The following RIN2 variants were observed in gnomAD, a reference collection of about 807,000 sequenced individuals.
RIN2 encodes Ras and Rab interactor 2.
Under a neutral mutation model 78.0 loss-of-function variants are expected in RIN2, and 36 were observed. That is an observed-to-expected ratio of 0.46 (90% confidence interval 0.35 to 0.61). RIN2 has a LOEUF of 0.61. Among genes scored for constraint, RIN2 ranks in the 20% least tolerant of loss-of-function variants. The pLI, the probability that RIN2 is intolerant of heterozygous loss-of-function variation, is 0.00. For synonymous variants in RIN2, 466 were observed against 466.8 expected (o/e 1.00, Z 0.02); for missense variants, 1,087 against 1,159.7 (o/e 0.94, Z 0.91).
intron 2 of RIN2, among the ~76,000 whole-genome samples, chr20:19,866,626 T>C (rs1157265999): frequency 6.6e-6 from 1 of 152,158 alleles, no homozygotes; most frequent in African/African-American, 2.4e-5. Context: ...GATATTTTAT[T>C]TTATTTTATT....
intron 4 of RIN2, 66 bp downstream of exon 4, chr20:19,935,265 G>C: frequency 7.1e-7 from 1 of 1,415,606 alleles, no homozygotes; most frequent in Non-Finnish European, 9.7e-7. Flanking sequence ...GCACTGCCAA[G>C]GGCTGACTTG....
At chr20:19,828,857 A>G (rs62200176) in intron 2 of RIN2, among the ~76,000 whole-genome samples, 3,242 of 152,034 alleles carry the variant, frequency 0.021, 49 homozygotes, top group South Asian at 0.064. Context: ...CTGTATGATC[A>G]TTGGGATGGT....
At chr20:19,901,739 G>A (rs543819171) in intron 3 of RIN2, among the ~76,000 whole-genome samples, 9 of 152,122 alleles carry the variant, frequency 5.9e-5, no homozygotes, top group African/African-American at 2.2e-4. Context: ...TAAACAGGTC[G>A]AGTGCGGTGG....
At chr20:19,910,906 G>A (rs1225028571) in intron 3 of RIN2, among the ~76,000 whole-genome samples, 1 of 151,986 alleles carries the variant, frequency 6.6e-6, no homozygotes, top group Non-Finnish European at 1.5e-5. Context: ...CAAACTTCCA[G>A]AATAGTTGCA....
chr20:19,858,260 A>G (rs1007023423), intron 2 of RIN2, among the ~76,000 whole-genome samples: 12 of 152,142 alleles, frequency 7.9e-5, no homozygotes, highest in Admixed American at 5.2e-4. Flanking sequence ...AGTGGGGAGA[A>G]TAGGAATCAG....
chr20:19,858,684 A>G (rs1041244340), intron 2 of RIN2, among the ~76,000 whole-genome samples: 5 of 152,212 alleles, frequency 3.3e-5, no homozygotes, highest in Non-Finnish European at 7.3e-5. Context: ...TGAAACCTCC[A>G]TTTGGAATAA....
intron 2 of RIN2, among the ~76,000 whole-genome samples, chr20:19,856,438 T>C (rs922050192): frequency 1.3e-5 from 2 of 149,620 alleles, no homozygotes; most frequent in African/African-American, 4.9e-5. Flanking sequence ...GAGGCTGAGG[T>C]GGGAGGATCG....
At chr20:19,856,280 A>G (rs2037163705) in intron 2 of RIN2, among the ~76,000 whole-genome samples, 1 of 152,176 alleles carries the variant, frequency 6.6e-6, no homozygotes. Flanking sequence ...TTATTTCAAT[A>G]AGATTAAAGT....
intron 2 of RIN2, among the ~76,000 whole-genome samples, chr20:19,835,010 GAA>G (rs2036368820): frequency 6.9e-6 from 1 of 145,104 alleles, no homozygotes; most frequent in East Asian, 2.0e-4. Flanking sequence ...GAGAGAGAAA[GAA>G]AAAGAGAGAG....
intron 2 of RIN2, among the ~76,000 whole-genome samples, chr20:19,865,354 G>T (rs757464100): frequency 3.2e-4 from 49 of 152,114 alleles, no homozygotes; most frequent in Non-Finnish European, 5.3e-4. Context: ...TGAAGAGCCA[G>T]AAAGATCAGC....
chr20:19,932,634 C>A (rs1323730725), intron 3 of RIN2, among the ~76,000 whole-genome samples: 1 of 152,142 alleles, frequency 6.6e-6, no homozygotes, highest in African/African-American at 2.4e-5. Flanking sequence ...CTTCTTCTGA[C>A]CTCTAAGTCC....
At position 19,765,101 on chromosome 20, in the gene RIN2, C is replaced by T. The variant is rs200055235; in HGVS notation, c.-163+6774C>T. Among the ~76,000 whole-genome samples, 3 of 151,964 alleles carry T rather than the reference C, an allele frequency of 2.0e-5. No individual in the cohort carries two copies. In the East Asian group the frequency reaches 5.8e-4, roughly 29 times the overall value. ...CTGACCTAAAGTGATCCACCTGCCTCAGCCTCCCAAAGTGCTGGGATTACA... is the reference window on the plus strand; with the variant it reads ...CTGACCTAAAGTGATCCACCTGCCTTAGCCTCCCAAAGTGCTGGGATTACA... On this transcript the variant is annotated intron_variant, in intron 1 of 12. Coordinates refer to ENST00000255006, the MANE Select transcript of RIN2 (RefSeq NM_018993.4).
intron 1 of RIN2, among the ~76,000 whole-genome samples, chr20:19,793,436 T>C (rs1181645667): frequency 4.6e-5 from 7 of 152,104 alleles, no homozygotes; most frequent in Non-Finnish European, 8.8e-5. Context: ...TTTCCTTGAA[T>C]GTTAGTCTTT....
chr20:19,907,187 C>A (rs1456085222), intron 3 of RIN2, among the ~76,000 whole-genome samples: 1 of 152,184 alleles, frequency 6.6e-6, no homozygotes, highest in Non-Finnish European at 1.5e-5. Flanking sequence ...GGAACCCACT[C>A]CTGTGATAAC....
intron 11 of RIN2, among the ~76,000 whole-genome samples, chr20:19,995,273 A>AAAC (rs1555811998): frequency 6.6e-6 from 1 of 151,360 alleles, no homozygotes; most frequent in African/African-American, 2.4e-5. Context: ...AAAAAAAAAA[A>AAAC]AAAAACAAAA....
At chr20:19,934,604 G>A (rs2040561039) in intron 3 of RIN2, 6 of 982,812 alleles carry the variant, frequency 6.1e-6, no homozygotes, top group Non-Finnish European at 7.2e-6. Flanking sequence ...TCATTTTGAT[G>A]TCGTCAGAAA....
At chr20:19,935,323 AGAT>A in intron 4 of RIN2, 124 bp downstream of exon 4, 1 of 1,243,100 alleles carries the variant, frequency 8.0e-7, no homozygotes, top group Non-Finnish European at 1.1e-6. Context: ...TAGCAGCTCT[AGAT>A]GAAATCCTCT....
At chr20:19,838,287 A>G (rs967029580) in intron 2 of RIN2, among the ~76,000 whole-genome samples, 1 of 148,050 alleles carries the variant, frequency 6.8e-6, no homozygotes, top group Non-Finnish European at 1.5e-5. Flanking sequence ...GGCCTGGTTA[A>G]TTAATTAATT....
intron 2 of RIN2, among the ~76,000 whole-genome samples, chr20:19,861,884 G>A (rs2037353041): frequency 6.8e-6 from 1 of 147,132 alleles, no homozygotes; most frequent in Non-Finnish European, 1.5e-5. Flanking sequence ...CATACCTGAT[G>A]ATCACCCTCC....
Sources: allele counts gnomAD v4.1 joint callset (sites outside exome capture counted in the v4.1 genomes callset), GRCh38; gene constraint gnomAD v4.1.1; transcripts MANE v1.5; gene names NCBI Gene and HGNC (gene_info 2026-07-23, HGNC 2026-07-21).